MIPEP: variants seen among roughly 807,000 people sequenced by gnomAD.
MIPEP encodes mitochondrial intermediate peptidase.
Under a neutral mutation model 90.3 loss-of-function variants are expected in MIPEP, and 79 were observed. The ratio of observed to expected loss-of-function variants is 0.87; its 90% CI spans 0.73 to 1.05. MIPEP has a LOEUF of 1.05. Among genes scored for constraint, MIPEP ranks in the 50% least tolerant of loss-of-function variants. The pLI is 0.00. For synonymous variants in MIPEP, 334 were observed against 315.8 expected (o/e 1.06, Z -0.61); for missense variants, 940 against 905.6 (o/e 1.04, Z -0.49).
chr13:23,781,258 G>C (rs1952779546), intron 16 of MIPEP, among the ~76,000 whole-genome samples: 1 of 152,156 alleles, frequency 6.6e-6, no homozygotes, highest in Non-Finnish European at 1.5e-5. Context: ...CAAATCTCTT[G>C]GCAGAAACTC....
intron 14 of MIPEP, among the ~76,000 whole-genome samples, chr13:23,823,540 C>T (rs1315367812): frequency 6.6e-6 from 1 of 152,164 alleles, no homozygotes; most frequent in Non-Finnish European, 1.5e-5. Flanking sequence ...TTCTTAACAG[C>T]ATTTGGAGCT....
At chr13:23,796,305 T>C (rs1302723387) in intron 16 of MIPEP, among the ~76,000 whole-genome samples, 8 of 152,006 alleles carry the variant, frequency 5.3e-5, no homozygotes, top group African/African-American at 1.7e-4. Context: ...TAATCCCAGC[T>C]ACTGGGGAGG....
At chr13:23,876,599 GTTC>G (rs34194601) in intron 4 of MIPEP, among the ~76,000 whole-genome samples, 37,545 of 151,782 alleles carry the variant, frequency 0.25, 4,799 homozygotes, top group East Asian at 0.45. Flanking sequence ...GGGGGTTTTT[GTTC>G]TTCTTTTTTT....
rs1365974269 is a variant in MIPEP at position 23,881,699 on chromosome 13, T to C, written c.452A>G (p.Lys151Arg). Residue 151 changes from lysine to arginine, a missense_variant and splice_region_variant, in exon 3 of 19, where the codon AAG (lysine) becomes AGG (arginine). Coordinates refer to ENST00000382172, the MANE Select transcript of MIPEP (RefSeq NM_005932.4). ...ACRSIGTMVE[K>R]LNTNVDLYQS... ...AGGTGGGGAGGGGAACAGCACATAC[T>C]TCTCTACCATGGTGCCAATACTTCT... is the stretch of plus-strand genomic sequence containing the variant. 1 of 1,612,314 alleles carries C rather than the reference T, an allele frequency of 6.2e-7. No individual in the cohort carries two copies. Among genetic ancestry groups the C allele is most frequent in the African/African-American group, 1.3e-5 (1 of 74,910 alleles).
At chr13:23,761,127 CTT>C (rs1219595422) in intron 16 of MIPEP, among the ~76,000 whole-genome samples, 10 of 138,994 alleles carry the variant, frequency 7.2e-5, no homozygotes, top group Admixed American at 7.2e-5. Flanking sequence ...GGAATGCATT[CTT>C]TTTTTTTTTT....
chr13:23,840,594 G>A (rs145043584), intron 11 of MIPEP, among the ~76,000 whole-genome samples: 10 of 152,138 alleles, frequency 6.6e-5, no homozygotes, highest in African/African-American at 1.9e-4. Flanking sequence ...AGTGATGAAC[G>A]TCCTCCCACC....
At chr13:23,762,228 C>G (rs1428759954) in intron 16 of MIPEP, among the ~76,000 whole-genome samples, 1 of 151,812 alleles carries the variant, frequency 6.6e-6, no homozygotes, top group Non-Finnish European at 1.5e-5. Context: ...GTTAACTCCC[C>G]AGAAAATAAA....
At chr13:23,875,423 T>C (rs572536754) in intron 4 of MIPEP, among the ~76,000 whole-genome samples, 133 of 152,290 alleles carry the variant, frequency 8.7e-4, no homozygotes, top group African/African-American at 3.2e-3. Context: ...ATTTAGAATA[T>C]TAAATTCTTT....
At chr13:23,854,181 C>T (rs35660427) in intron 10 of MIPEP, among the ~76,000 whole-genome samples, 82,325 of 141,026 alleles carry the variant, frequency 0.58, 25,214 homozygotes, top group East Asian at 0.85. Context: ...AAAAATTAGC[C>T]AGGCTAATTT....
intron 10 of MIPEP, among the ~76,000 whole-genome samples, chr13:23,857,212 G>T (rs1206984815): frequency 6.6e-6 from 1 of 152,018 alleles, no homozygotes; most frequent in Non-Finnish European, 1.5e-5. Flanking sequence ...TTCAAGTTCT[G>T]CAACCAGAAA....
intron 14 of MIPEP, among the ~76,000 whole-genome samples, chr13:23,835,964 TG>T (rs1358725784): frequency 6.6e-6 from 1 of 152,188 alleles, no homozygotes; most frequent in African/African-American, 2.4e-5. Flanking sequence ...GGGGATAAAG[TG>T]TCTTCCTTAT....
intron 16 of MIPEP, among the ~76,000 whole-genome samples, chr13:23,781,873 G>A (rs1044961991): frequency 6.6e-6 from 1 of 152,106 alleles, no homozygotes; most frequent in Non-Finnish European, 1.5e-5. Context: ...ACTACATAAT[G>A]GTAAAGGGAT....
intron 16 of MIPEP, among the ~76,000 whole-genome samples, chr13:23,804,842 T>A (rs774889016): frequency 6.6e-6 from 1 of 152,190 alleles, no homozygotes; most frequent in Non-Finnish European, 1.5e-5. Flanking sequence ...CACTTGACAT[T>A]TATTCTGCTT....
chr13:23,791,587 C>G (rs1399108132), intron 16 of MIPEP, among the ~76,000 whole-genome samples: 1 of 152,214 alleles, frequency 6.6e-6, no homozygotes, highest in Admixed American at 6.5e-5. Flanking sequence ...TCCACCCGTA[C>G]AAAAATCCCT....
chr13:23,744,962 G>C (rs1475053228), intron 18 of MIPEP, among the ~76,000 whole-genome samples: 2 of 152,132 alleles, frequency 1.3e-5, no homozygotes, highest in African/African-American at 4.8e-5. Context: ...TAAGAATTTT[G>C]TTAAAGCTCA....
At chr13:23,749,683 G>A (rs1952419945) in intron 18 of MIPEP, among the ~76,000 whole-genome samples, 1 of 152,066 alleles carries the variant, frequency 6.6e-6, no homozygotes, top group Admixed American at 6.6e-5. Flanking sequence ...TCTGTCCCCC[G>A]TGACAGTCAT....
At chr13:23,844,812 A>C (rs1869462106) in intron 10 of MIPEP, among the ~76,000 whole-genome samples, 1 of 152,234 alleles carries the variant, frequency 6.6e-6, no homozygotes, top group African/African-American at 2.4e-5. Context: ...AAATTCAAGG[A>C]AACAATTTAT....
At chr13:23,765,943 A>G (rs1158697615) in intron 16 of MIPEP, 1 of 152,180 alleles carries the variant, frequency 6.6e-6, no homozygotes. Context: ...AAATACATTG[A>G]CTATATACCA....
At chr13:23,837,966 A>C (rs1869130658) in intron 12 of MIPEP, among the ~76,000 whole-genome samples, 1 of 152,190 alleles carries the variant, frequency 6.6e-6, no homozygotes, top group Non-Finnish European at 1.5e-5. Context: ...TCAAGAACAC[A>C]TTCAGTTTCT....
Sources: allele counts gnomAD v4.1 joint callset (sites outside exome capture counted in the v4.1 genomes callset), GRCh38; gene constraint gnomAD v4.1.1; transcripts MANE v1.5; gene names NCBI Gene and HGNC (gene_info 2026-07-23, HGNC 2026-07-21).